Variants in CST8 observed in about 807,000 individuals in gnomAD.
CST8 encodes the protein cystatin-8.
Under a neutral mutation model 11.8 loss-of-function variants are expected in CST8, and 20 were observed. The observed-to-expected ratio is 1.70, with a 90% CI of 1.20 to 2.47. The LOEUF is 2.47. CST8 is among the 30% of genes most tolerant of loss of function. The pLI is 0.00. For synonymous variants in CST8, 77 were observed against 63.1 expected, an observed-to-expected ratio of 1.22 and a Z score of -1.05; for missense variants, 196 against 167.2, an observed-to-expected ratio of 1.17 and a Z score of -0.95.
At chr20:23,497,111 G>A (rs147253313), downstream of CST8, among the ~76,000 whole-genome samples, 216 of 152,310 alleles carry the variant, frequency 1.4e-3, 1 homozygote, top group African/African-American at 5.0e-3. Flanking sequence ...GAAATCACAA[G>A]AGTATTGACT....
At chr20:23,495,749 AGC>A (rs1415697178) in intron 3 of CST8, 80 bp from the exon 4 acceptor site, 17 of 1,076,556 alleles carry the variant, frequency 1.6e-5, no homozygotes, top group Non-Finnish European at 2.4e-5. Context: ...ACTGACACCT[AGC>A]AACAGGACAA....
chr20:23,494,448 A>G (rs889254487), intron 3 of CST8, among the ~76,000 whole-genome samples: 3 of 152,158 alleles, frequency 2.0e-5, no homozygotes, highest in African/African-American at 7.2e-5. Context: ...GGTTTCCCAA[A>G]TTTGATGTAA....
At chr20:23,506,662 A>G in the CST8 span, among the ~76,000 whole-genome samples, 1 of 152,150 alleles carries the variant, frequency 6.6e-6, no homozygotes, top group East Asian at 1.9e-4. Flanking sequence ...ATAAAAGATA[A>G]TTTACAAATC....
chr20:23,493,030 A>C lies in CST8; in HGVS notation c.304A>C (p.Asn102His). 1 of 1,613,158 alleles carries C rather than the reference A, an allele frequency of 6.2e-7. No individual in the cohort carries two copies. The highest frequency in any genetic ancestry group is 1.3e-5 in the African/African-American group (1 of 75,004). The change falls in exon 3 of 4, where the codon AAT becomes CAT. Residue 102 changes from asparagine (N) to histidine (H), a missense_variant. Coordinates refer to ENST00000246012, the MANE Select transcript of CST8 (RefSeq NM_005492.4). ...CGATTGCAGAAAGCCTTTAAGCACT[A>C]ATGAAATCTGCGCCATTCAAGAAAA... ...RSDCRKPLST[N>H]EICAIQENSK...
chr20:23,506,404 C>T, the CST8 span, among the ~76,000 whole-genome samples: 8 of 152,272 alleles, frequency 5.3e-5, no homozygotes, highest in African/African-American at 1.7e-4. Context: ...TTGGGACCTA[C>T]CAGTTTTATA....
downstream of CST8, among the ~76,000 whole-genome samples, chr20:23,500,901 A>G (rs114118343): frequency 0.013 from 2,050 of 152,234 alleles, 45 homozygotes; most frequent in African/African-American, 0.047. Flanking sequence ...GTCTAGAAAA[A>G]AAATTGCTTG....
chr20:23,502,246 C>T, the CST8 span, among the ~76,000 whole-genome samples: 1 of 152,116 alleles, frequency 6.6e-6, no homozygotes. Context: ...GCCCATGAGA[C>T]CAAATAGTTT....
the CST8 span, among the ~76,000 whole-genome samples, chr20:23,502,995 C>CT: frequency 2.9e-4 from 44 of 151,776 alleles, no homozygotes; most frequent in East Asian, 1.2e-3. Flanking sequence ...GATTAATTAC[C>CT]TTTTTTTTAA....
At chr20:23,503,802 C>A in the CST8 span, among the ~76,000 whole-genome samples, 1 of 152,190 alleles carries the variant, frequency 6.6e-6, no homozygotes, top group Non-Finnish European at 1.5e-5. Flanking sequence ...AGGTGAGAGG[C>A]GGCAGGCAAG....
In CST8 at chr20:23,491,759, T is replaced by A. The variant is rs751450947; in HGVS notation, c.92T>A (p.Val31Glu). ...GACCCAAAAAAGAATGAGACAGGGGTGCTGAGGAAATTAAAACCCGTCAAT... is the reference window on the plus strand; with the variant it reads ...GACCCAAAAAAGAATGAGACAGGGGAGCTGAGGAAATTAAAACCCGTCAAT... The part of the protein sequence containing the change: ...RKDPKKNETG[V>E]LRKLKPVNAS... Residue 31 changes from valine (V) to glutamate (E), a missense_variant, in exon 2 of 4, where the codon GTG becomes GAG. Coordinates refer to ENST00000246012, the MANE Select transcript of CST8 (RefSeq NM_005492.4). 6.2e-6 allele frequency: 10 copies of A among 1,613,798 alleles called. No homozygotes were observed. The highest frequency in any genetic ancestry group is 7.6e-6 in the Non-Finnish European group (9 of 1,179,928).
At chr20:23,493,218 G>T (rs1987945372) in intron 3 of CST8, 147 bp downstream of exon 3, 2 of 633,574 alleles carry the variant, frequency 3.2e-6, no homozygotes, top group Middle Eastern at 5.4e-4. Flanking sequence ...TATAGCAGAA[G>T]ATCCAGGGCC....
the CST8 span, among the ~76,000 whole-genome samples, chr20:23,506,547 T>C: frequency 6.6e-6 from 1 of 152,230 alleles, no homozygotes; most frequent in South Asian, 2.1e-4. Context: ...TCTATGCATA[T>C]TCTTCAGAAA....
At chr20:23,498,495 C>T (rs1024206332), downstream of CST8, among the ~76,000 whole-genome samples, 5 of 152,162 alleles carry the variant, frequency 3.3e-5, no homozygotes. Context: ...ACTACTTTTT[C>T]CTCTGGTTCC....
chr20:23,506,961 C>T, the CST8 span, among the ~76,000 whole-genome samples: 6 of 152,202 alleles, frequency 3.9e-5, no homozygotes, highest in Non-Finnish European at 8.8e-5. Flanking sequence ...AAACCTTGAA[C>T]ACCATAAACA....
At position 23,491,599 on chromosome 20, in the gene CST8, A is replaced by G. The variant is rs1450563089; in HGVS notation, c.-69A>G. ...CCACAGCAGCAGCTGCGGCCACCCC[A>G]TCCTGCCCACAGCTCCAGCCCTGAG... On this transcript the variant is annotated 5_prime_UTR_variant, in exon 2 of 4. Coordinates refer to ENST00000246012, the MANE Select transcript of CST8 (RefSeq NM_005492.4). 2.6e-5 allele frequency: 33 copies of G among 1,245,814 alleles called. No homozygotes were observed. Among genetic ancestry groups the G allele is most frequent in the Non-Finnish European group, 3.9e-5 (33 of 855,538 alleles). 77.2% of individuals were successfully genotyped at this position (1,245,814 alleles called of 1,614,324 possible).
downstream of CST8, among the ~76,000 whole-genome samples, chr20:23,498,746 C>T (rs952603429): frequency 6.6e-6 from 1 of 152,152 alleles, no homozygotes. Flanking sequence ...AACAAAGGAA[C>T]CAGGATTGGA....
At chr20:23,495,622 A>G (rs930384233) in intron 3 of CST8, among the ~76,000 whole-genome samples, 3 of 152,186 alleles carry the variant, frequency 2.0e-5, no homozygotes, top group Non-Finnish European at 2.9e-5. Flanking sequence ...TGTGGTTAAA[A>G]TAGAACAGAG....
chr20:23,495,498 A>G (rs984914086), intron 3 of CST8, among the ~76,000 whole-genome samples: 2 of 152,234 alleles, frequency 1.3e-5, no homozygotes, highest in East Asian at 1.9e-4. Flanking sequence ...ACATACTTTA[A>G]TTAACAATTA....
chr20:23,505,139 C>CTTT, the CST8 span, among the ~76,000 whole-genome samples: 209 of 81,996 alleles, frequency 2.5e-3, 2 homozygotes, highest in African/African-American at 6.1e-3. Flanking sequence ...AAGAAGCATT[C>CTTT]TTTTTTTTTT....
Sources: allele counts gnomAD v4.1 joint callset (sites outside exome capture counted in the v4.1 genomes callset), GRCh38; gene constraint gnomAD v4.1.1; transcripts MANE v1.5; gene names NCBI Gene and HGNC (gene_info 2026-07-23, HGNC 2026-07-21).